The following SYCE2 variants were observed in gnomAD, a reference collection of about 807,000 sequenced individuals.
SYCE2 encodes the protein synaptonemal complex central element protein 2.
Under a neutral mutation model 27.9 loss-of-function variants are expected in SYCE2, and 3 were observed. The observed-to-expected ratio is 0.11, with a 90% CI of 0.05 to 0.28. The LOEUF is 0.28. Ranked by LOEUF, SYCE2 falls within the 10% of genes least tolerant of loss-of-function variation. SYCE2 has a pLI of 1.00. For missense variants in SYCE2, 207 were observed against 263.5 expected (o/e 0.79, Z 1.48); for synonymous variants, 85 against 100.7 (o/e 0.84, Z 0.93).
chr19:12,914,322 C>T (rs1429060195), intron 2 of SYCE2: 2 of 152,294 alleles, frequency 1.3e-5, no homozygotes, highest in African/African-American at 4.8e-5. Flanking sequence ...GGTGCAGAGC[C>T]TCCCACCATT....
chr19:12,906,514 T>C (rs1970936508), intron 2 of SYCE2, among the ~76,000 whole-genome samples: 1 of 152,102 alleles, frequency 6.6e-6, no homozygotes, highest in Non-Finnish European at 1.5e-5. Flanking sequence ...GGAACTTCAG[T>C]TGGGTATGGG....
Position 12,898,992 on chromosome 19 carries a change from A to C in SYCE2, c.*349T>G. The C allele has an allele frequency of 2.9e-6, 1 of 348,480 alleles. No individual in the cohort carries two copies. Among genetic ancestry groups the C allele is most frequent in the South Asian group, 2.6e-5 (1 of 37,748 alleles). The allele number at this position is 348,480 out of a possible 1,614,324, so 21.6% of individuals were successfully genotyped here. ...GCTCTTCCGATGTGCTGTCCCTCCT[A>C]TCCCTCCCGAGGGTAAGAAAGGGCT... On this transcript the variant is annotated 3_prime_UTR_variant, in exon 6 of 6. Coordinates refer to ENST00000293695, the MANE Select transcript of SYCE2 (RefSeq NM_001105578.2).
chr19:12,904,716 A>G (rs17706531), intron 2 of SYCE2, 50 bp from the exon 3 acceptor site: 552,201 of 1,604,340 alleles, frequency 0.34, 98,666 homozygotes, highest in Admixed American at 0.42. Flanking sequence ...AGAGTACAGG[A>G]AGCGGCCAGG....
At position 12,919,270 on chromosome 19, in the gene SYCE2, C is replaced by A. The variant is rs1219295230; in HGVS notation, c.-13G>T. 1.2e-6 allele frequency: 2 copies of A among 1,609,860 alleles called. No homozygotes were observed. The highest frequency in any genetic ancestry group is 3.3e-5 in the Admixed American group (2 of 60,002). On this transcript the variant is annotated 5_prime_UTR_variant, in exon 1 of 6. Coordinates refer to ENST00000293695, the MANE Select transcript of SYCE2 (RefSeq NM_001105578.2). ...CCTGTCGCTCCATTCCGTATTTTCC[C>A]GCCTTCAAGCTCGCACCCTCTGCGC... is the stretch of plus-strand genomic sequence containing the variant.
At chr19:12,907,865 G>T (rs948580048) in intron 2 of SYCE2, among the ~76,000 whole-genome samples, 2 of 152,126 alleles carry the variant, frequency 1.3e-5, no homozygotes, top group Admixed American at 6.6e-5. Flanking sequence ...TGTAATACCA[G>T]CACTTCGGGG....
intron 3 of SYCE2, among the ~76,000 whole-genome samples, chr19:12,901,517 G>A (rs1226550151): frequency 2.0e-5 from 3 of 152,136 alleles, no homozygotes; most frequent in Admixed American, 6.6e-5. Flanking sequence ...TCCAGCCTGA[G>A]AGACCCTACC....
chr19:12,905,153 G>A (rs190453194), intron 2 of SYCE2, among the ~76,000 whole-genome samples: 3 of 152,042 alleles, frequency 2.0e-5, no homozygotes, highest in East Asian at 1.9e-4. Context: ...TCACACACAC[G>A]CCCTGAATGA....
intron 2 of SYCE2, among the ~76,000 whole-genome samples, chr19:12,915,628 G>T (rs1364038079): frequency 6.8e-6 from 1 of 147,844 alleles, no homozygotes; most frequent in Admixed American, 6.8e-5. Context: ...AAGGTGAACC[G>T]TATGCTATGG....
intron 3 of SYCE2, among the ~76,000 whole-genome samples, 189 bp from the exon 4 acceptor site, chr19:12,900,837 A>G (rs1970819538): frequency 6.6e-6 from 1 of 152,144 alleles, no homozygotes; most frequent in Non-Finnish European, 1.5e-5. Context: ...TGAGGCCAGG[A>G]GTTCAAGACC....
At chr19:12,916,232 G>C (rs1274275614) in intron 2 of SYCE2, among the ~76,000 whole-genome samples, 1 of 151,856 alleles carries the variant, frequency 6.6e-6, no homozygotes, top group Non-Finnish European at 1.5e-5. Context: ...ACCACGCCTG[G>C]CTAATTTTTT....
chr19:12,917,681 C>T (rs1971161756), intron 2 of SYCE2, among the ~76,000 whole-genome samples: 1 of 15,662 alleles, frequency 6.4e-5, no homozygotes, highest in Non-Finnish European at 1.1e-4. Flanking sequence ...TTTTTTGAGA[C>T]AGCGTTTCGG....
intron 2 of SYCE2, among the ~76,000 whole-genome samples, chr19:12,916,717 T>A (rs1971144897): frequency 1.3e-5 from 2 of 152,166 alleles, no homozygotes; most frequent in South Asian, 2.1e-4. Flanking sequence ...CACCTCAGCC[T>A]TCCAAGTAGC....
At chr19:12,907,937 C>T (rs1970968109) in intron 2 of SYCE2, among the ~76,000 whole-genome samples, 1 of 152,126 alleles carries the variant, frequency 6.6e-6, no homozygotes. Flanking sequence ...CATGGCAAAA[C>T]CCCATCTCTA....
At position 12,900,077 on chromosome 19, in the gene SYCE2, T is replaced by G. The variant is rs189554230; in HGVS notation, c.539A>C (p.Lys180Thr). ...LRWGPDHSRG[K>T]SPPRPGNSQP... is the part of the protein sequence containing the mutation. ...TGAGTTGCCGGGACGTGGTGGGGAC[T>G]TTCCCCTAGAGTGGTCTGGCCCCCA... The change falls in exon 5 of 6, where the codon AAG (lysine) becomes ACG (threonine). Residue 180 changes from lysine (K) to threonine (T), a missense_variant. Transcript: ENST00000293695. 1.9e-3 allele frequency: 3,070 copies of G among 1,613,572 alleles called. 5 individuals carry two copies. Among genetic ancestry groups the G allele is most frequent in the Non-Finnish European group, 2.5e-3 (2,919 of 1,179,932 alleles).
At chr19:12,908,823 G>A (rs1343602850) in intron 2 of SYCE2, among the ~76,000 whole-genome samples, 8 of 151,886 alleles carry the variant, frequency 5.3e-5, no homozygotes, top group Admixed American at 1.3e-4. Flanking sequence ...CCCGACATGT[G>A]GTATCCCAGA....
intron 3 of SYCE2, among the ~76,000 whole-genome samples, chr19:12,903,391 CTCT>C (rs1249733046): frequency 6.8e-6 from 1 of 147,566 alleles, no homozygotes; most frequent in Admixed American, 6.8e-5. Context: ...ACGCCCGGCC[CTCT>C]TCTTTTTTTT....
In SYCE2 at chr19:12,899,311, G is replaced by A. The variant is rs561275591; in HGVS notation, c.*30C>T. 2 of 1,592,942 alleles carry A rather than the reference G, an allele frequency of 1.3e-6. No homozygotes were observed. ...GCCTCACAGTCTTCTCCTGGAGACT[G>A]TCACTAAGGCGTGAGTCTCCCGGCA... On this transcript the variant is annotated 3_prime_UTR_variant, in exon 6 of 6. Coordinates refer to ENST00000293695, the MANE Select transcript of SYCE2 (RefSeq NM_001105578.2).
intron 2 of SYCE2, among the ~76,000 whole-genome samples, chr19:12,904,912 G>A (rs191499135): frequency 1.1e-4 from 17 of 152,044 alleles, no homozygotes; most frequent in Admixed American, 2.6e-4. Flanking sequence ...GGCTGAGGCA[G>A]GAGAATTGCT....
At chr19:12,919,023 C>G (rs1971193061) in intron 1 of SYCE2, among the ~76,000 whole-genome samples, 1 of 151,862 alleles carries the variant, frequency 6.6e-6, no homozygotes, top group African/African-American at 2.4e-5. Flanking sequence ...CTACTCCGTT[C>G]CGGCCACGCG....
Sources: allele counts gnomAD v4.1 joint callset (sites outside exome capture counted in the v4.1 genomes callset), GRCh38; gene constraint gnomAD v4.1.1; transcripts MANE v1.5; gene names NCBI Gene and HGNC (gene_info 2026-07-23, HGNC 2026-07-21).